The following TMEM181 variants were observed in gnomAD, a reference collection of about 807,000 sequenced individuals.
The protein encoded by TMEM181 is G protein-coupled receptor 178.
A neutral mutation model predicts 71.9 loss-of-function variants in TMEM181; 39 were observed. The ratio of observed to expected loss-of-function variants is 0.54; its 90% CI spans 0.42 to 0.71. TMEM181 has a LOEUF of 0.71. Among genes scored for constraint, TMEM181 ranks in the 30% least tolerant of loss-of-function variants. TMEM181 has a pLI of 0.00. For synonymous variants in TMEM181, 245 were observed against 228.8 expected (o/e 1.07, Z -0.64); for missense variants, 595 against 583.0 (o/e 1.02, Z -0.21).
chr6:158,579,681 T>C (rs1338644611), intron 2 of TMEM181, among the ~76,000 whole-genome samples: 1 of 152,082 alleles, frequency 6.6e-6, no homozygotes, highest in East Asian at 1.9e-4. Context: ...ATCCTGCCAT[T>C]GCAGTCCAGC....
chr6:158,611,268 C>A, intron 10 of TMEM181: 1 of 497,302 alleles, frequency 2.0e-6, no homozygotes, highest in South Asian at 1.5e-5. Context: ...CCTTCTCAGT[C>A]TTGGCTGGTC....
intron 10 of TMEM181, among the ~76,000 whole-genome samples, chr6:158,619,487 C>G (rs1481251709): frequency 6.6e-6 from 1 of 152,178 alleles, no homozygotes; most frequent in Admixed American, 6.5e-5. Flanking sequence ...CTTCTGAAGC[C>G]TACTTCTGTC....
intron 1 of TMEM181, among the ~76,000 whole-genome samples, chr6:158,550,630 T>A (rs1046361227): frequency 6.6e-6 from 1 of 151,656 alleles, no homozygotes; most frequent in Non-Finnish European, 1.5e-5. Context: ...CACTCTAGCC[T>A]CGTGATAGAG....
chr6:158,598,096 G>A (rs1245564828), intron 6 of TMEM181, among the ~76,000 whole-genome samples: 1 of 152,156 alleles, frequency 6.6e-6, no homozygotes, highest in Non-Finnish European at 1.5e-5. Flanking sequence ...CTTACCTCCT[G>A]TGTTTTTTAA....
In TMEM181 at chr6:158,614,332, G is replaced by A. The variant is rs546675418; in HGVS notation, c.896+5582G>A. ...TAAGTTTTTGCTTCGCCAAAATGAT[G>A]AGTTAAACATTTGAAAGCAAAAACC... On this transcript the variant is annotated intron_variant, in intron 10 of 16. Coordinates refer to ENST00000684151, the MANE Select transcript of TMEM181 (RefSeq NM_001376852.1). Among the ~76,000 whole-genome samples the A allele has an allele frequency of 7.9e-5, 12 of 152,236 alleles. 1 individual carries two copies. In the South Asian group the frequency reaches 1.0e-3, roughly 13 times the overall value.
intron 6 of TMEM181, among the ~76,000 whole-genome samples, chr6:158,600,905 A>G (rs1283632146): frequency 6.6e-6 from 1 of 152,178 alleles, no homozygotes; most frequent in Admixed American, 6.5e-5. Context: ...GAGAGTAAAA[A>G]CAACCACCCA....
chr6:158,581,753 CAA>C (rs10626721), intron 3 of TMEM181, among the ~76,000 whole-genome samples: 14 of 62,164 alleles, frequency 2.3e-4, no homozygotes, highest in East Asian at 1.6e-3. Flanking sequence ...GACTCTGTCT[CAA>C]AAAAAAAAAA....
At chr6:158,598,860 A>G (rs1361799446) in intron 6 of TMEM181, among the ~76,000 whole-genome samples, 1 of 151,932 alleles carries the variant, frequency 6.6e-6, no homozygotes, top group African/African-American at 2.4e-5. Context: ...TTTTTAGTAG[A>G]GATGGGGTTT....
rs951526938 is a variant in TMEM181, at chr6:158,588,092, G to A, written c.382-1580G>A. Reference sequence around the variant, plus strand: ...GGGCAGGCAGCAGATTGCAATGAGAGCTGATCAGGTGGAAAGGAAGCCTTG... The same window carrying A: ...GGGCAGGCAGCAGATTGCAATGAGAACTGATCAGGTGGAAAGGAAGCCTTG... On this transcript the variant is annotated intron_variant, in intron 5 of 16. Transcript: ENST00000684151. Among the ~76,000 whole-genome samples, 8 of 152,334 alleles carry A rather than the reference G, an allele frequency of 5.3e-5. No individual in the cohort carries two copies. In the East Asian group the frequency reaches 1.4e-3, roughly 26 times the overall value.
At chr6:158,621,532 C>G (rs1245336071) in intron 10 of TMEM181, 10 of 187,860 alleles carry the variant, frequency 5.3e-5, no homozygotes, top group Non-Finnish European at 9.6e-5. Context: ...AGCTGGCCAG[C>G]TGAGGGGGCC....
chr6:158,578,361 A>AT lies in TMEM181; in HGVS notation c.113-2571dup, dbSNP rs372618592. Among the ~76,000 whole-genome samples, 250 of 152,140 alleles carry AT rather than the reference A, an allele frequency of 1.6e-3. 3 individuals carry two copies. The highest frequency in any genetic ancestry group is 3.3e-3 in the African/African-American group (139 of 41,518). On this transcript the variant is annotated intron_variant, in intron 2 of 16. Transcript: ENST00000684151. ...TATTGTAACAATGGTGTATAACTCC[A>AT]TTTTTTTTGTTTTCAACGTTATTTG...
intron 1 of TMEM181, among the ~76,000 whole-genome samples, chr6:158,547,543 C>T (rs558049640): frequency 4.7e-4 from 72 of 152,322 alleles, no homozygotes; most frequent in African/African-American, 1.6e-3. Flanking sequence ...TGCCACCAGG[C>T]AGGCGCTCTT....
chr6:158,546,853 G>A (rs1045875951), intron 1 of TMEM181, among the ~76,000 whole-genome samples: 4 of 152,074 alleles, frequency 2.6e-5, no homozygotes, highest in Non-Finnish European at 5.9e-5. Context: ...CCAGCTGCTT[G>A]TGAGGCTGAG....
chr6:158,602,811 G>A (rs1784740466), intron 6 of TMEM181, among the ~76,000 whole-genome samples: 1 of 151,874 alleles, frequency 6.6e-6, no homozygotes, highest in Non-Finnish European at 1.5e-5. Flanking sequence ...CAAACTCCTG[G>A]CCTCAAACTA....
intron 1 of TMEM181, among the ~76,000 whole-genome samples, chr6:158,549,630 C>T (rs1297492058): frequency 6.6e-6 from 1 of 152,170 alleles, no homozygotes; most frequent in South Asian, 2.1e-4. Flanking sequence ...ATAGGCATTC[C>T]ACAGTAAGCT....
intron 10 of TMEM181, chr6:158,610,235 T>C: frequency 4.0e-6 from 1 of 252,966 alleles, no homozygotes; most frequent in South Asian, 6.4e-5. Flanking sequence ...GTGGGGTGCC[T>C]TAAGGCTTGT....
In TMEM181 at chr6:158,634,042, A is replaced by G. The variant is rs145366725; in HGVS notation, c.*2154A>G. On this transcript the variant is annotated 3_prime_UTR_variant, in exon 17 of 17. Coordinates refer to ENST00000684151, the MANE Select transcript of TMEM181 (RefSeq NM_001376852.1). ...CTAGAACTTTTTAAAACTTTGTCCT[A>G]TAGTGTAATTATAAACTGATGACTA... The G allele has an allele frequency of 2.0e-5, 3 of 152,350 alleles. No homozygotes were observed. Among genetic ancestry groups the G allele is most frequent in the East Asian group, 1.9e-4 (1 of 5,196 alleles). The allele number at this position is 152,350 out of a possible 1,614,324, so 9.4% of individuals were successfully genotyped here.
intron 6 of TMEM181, among the ~76,000 whole-genome samples, chr6:158,604,063 G>A (rs1562301965): frequency 6.6e-6 from 1 of 152,196 alleles, no homozygotes. Flanking sequence ...GCCCTTTGAT[G>A]GTGAGTTTCT....
intron 1 of TMEM181, among the ~76,000 whole-genome samples, chr6:158,553,540 CAA>C (rs1341957037): frequency 6.6e-6 from 1 of 152,168 alleles, no homozygotes; most frequent in Non-Finnish European, 1.5e-5. Context: ...TCTTACTTAT[CAA>C]AGAGTTGTAC....
Sources: allele counts gnomAD v4.1 joint callset (sites outside exome capture counted in the v4.1 genomes callset), GRCh38; gene constraint gnomAD v4.1.1; transcripts MANE v1.5; gene names NCBI Gene and HGNC (gene_info 2026-07-23, HGNC 2026-07-21).